Variants in MAN2B2 observed in about 807,000 individuals in gnomAD.
The protein encoded by MAN2B2 is mannosidase alpha class 2B member 2.
MAN2B2 carries 106 observed loss-of-function variants against 117.1 expected under a neutral mutation model. That is an observed-to-expected ratio of 0.90 (90% CI 0.77 to 1.06). MAN2B2 has a LOEUF of 1.06. MAN2B2 is among the 50% of genes least tolerant of loss of function. The pLI, the probability that MAN2B2 is intolerant of heterozygous loss-of-function variation, is 0.00. For synonymous variants in MAN2B2, 544 were observed against 595.1 expected (o/e 0.91, Z 1.25); for missense variants, 1,326 against 1,381.4 (o/e 0.96, Z 0.64).
At chr4:6,576,177 C>G (rs756875097) in intron 1 of MAN2B2, among the ~76,000 whole-genome samples, 2 of 152,178 alleles carry the variant, frequency 1.3e-5, no homozygotes, top group Non-Finnish European at 2.9e-5. Context: ...CCCCAGCAGG[C>G]CCCTTTGGGG....
chr4:6,581,663 C>T (rs974856082), intron 3 of MAN2B2, among the ~76,000 whole-genome samples: 34 of 151,554 alleles, frequency 2.2e-4, no homozygotes, highest in African/African-American at 7.8e-4. Context: ...GAGGCAGGCC[C>T]TGGACAGCAA....
At chr4:6,596,652 G>A (rs6851038) in intron 7 of MAN2B2, among the ~76,000 whole-genome samples, 3 of 152,174 alleles carry the variant, frequency 2.0e-5, no homozygotes, top group East Asian at 1.9e-4. Context: ...CTGCTGAAAC[G>A]CATGCCTGTC....
intron 10 of MAN2B2, among the ~76,000 whole-genome samples, chr4:6,601,950 G>A (rs1051362516): frequency 5.9e-5 from 9 of 152,320 alleles, no homozygotes; most frequent in Admixed American, 2.0e-4. Context: ...ACACACAGCC[G>A]TTGAGGGGAG....
chr4:6,623,319 C>A lies in MAN2B2; in HGVS notation c.*2034C>A, dbSNP rs1198058120. On this transcript the variant is annotated 3_prime_UTR_variant, in exon 19 of 19. Coordinates refer to ENST00000285599, the MANE Select transcript of MAN2B2 (RefSeq NM_015274.3). ...GAGACCTCCGCCTCTGCACTCCAGCCTGGGTGACAAGAGTGAGACTCCGTC... is the reference window on the plus strand; with the variant it reads ...GAGACCTCCGCCTCTGCACTCCAGCATGGGTGACAAGAGTGAGACTCCGTC... The A allele has an allele frequency of 6.8e-6, 1 of 148,130 alleles. No homozygotes were observed. Among genetic ancestry groups the A allele is most frequent in the Non-Finnish European group, 1.5e-5 (1 of 67,566 alleles). The allele number at this position is 148,130 out of a possible 1,614,324, so 9.2% of individuals were successfully genotyped here. A position where few individuals can be genotyped will look rare whatever the true frequency, so the allele number is the denominator to read the frequency against.
intron 16 of MAN2B2, among the ~76,000 whole-genome samples, chr4:6,615,934 G>A (rs551017049): frequency 6.6e-6 from 1 of 152,236 alleles, no homozygotes; most frequent in Non-Finnish European, 1.5e-5. Context: ...CTCCCGAGTA[G>A]CTGGGATTAC....
At chr4:6,589,288 C>T (rs3733605) in intron 5 of MAN2B2, 128 bp downstream of exon 5, 257,715 of 691,512 alleles carry the variant, frequency 0.37, 49,175 homozygotes, top group East Asian at 0.48. Flanking sequence ...TTGCCCAGGC[C>T]GGAGTGCAGT....
chr4:6,588,253 G>C (rs1726718656), intron 4 of MAN2B2, among the ~76,000 whole-genome samples: 1 of 152,168 alleles, frequency 6.6e-6, no homozygotes, highest in African/African-American at 2.4e-5. Context: ...TGAGGGAAGG[G>C]GCTGCTCCAG....
At chr4:6,590,175 C>T (rs2108740768) in intron 5 of MAN2B2, among the ~76,000 whole-genome samples, 1 of 152,058 alleles carries the variant, frequency 6.6e-6, no homozygotes, top group Non-Finnish European at 1.5e-5. Context: ...AATTTGAGAC[C>T]AGCCTGGCCA....
intron 3 of MAN2B2, among the ~76,000 whole-genome samples, chr4:6,579,395 T>TCACCAC (rs141552652): frequency 1.3e-4 from 5 of 39,154 alleles, no homozygotes; most frequent in Middle Eastern, 0.028. Context: ...CCCTTCACCA[T>TCACCAC]CACCACCACC....
intron 10 of MAN2B2, among the ~76,000 whole-genome samples, chr4:6,604,106 G>A (rs538963409): frequency 1.3e-5 from 2 of 152,320 alleles, no homozygotes; most frequent in South Asian, 4.1e-4. Flanking sequence ...GGCACAGCGT[G>A]GCACAGGCTC....
rs550526571 is a variant in MAN2B2 at position 6,616,729 on chromosome 4, G to A, written c.2702-651G>A. 5.3e-5 allele frequency among the ~76,000 whole-genome samples: 8 copies of A among 152,278 alleles called. No individual in the cohort carries two copies. In the South Asian group the frequency reaches 8.3e-4, roughly 16 times the overall value. On this transcript the variant is annotated intron_variant, in intron 16 of 18. Transcript: ENST00000285599. ...CCCCAATATGCCCACAACAGTGGAC[G>A]AGGATGGAAACATTGCAGCTGGTGT...
intron 11 of MAN2B2, among the ~76,000 whole-genome samples, chr4:6,606,809 G>A (rs1313018033): frequency 6.6e-6 from 1 of 152,214 alleles, no homozygotes; most frequent in Non-Finnish European, 1.5e-5. Context: ...CATAGGGGAG[G>A]TTGCTCCATA....
intron 16 of MAN2B2, 102 bp downstream of exon 16, chr4:6,614,457 G>A: frequency 1.5e-6 from 2 of 1,344,486 alleles, no homozygotes; most frequent in African/African-American, 1.5e-5. Flanking sequence ...GAGCTATCAT[G>A]GCTCTGCAAG....
chr4:6,602,939 G>A (rs1727387513), intron 10 of MAN2B2, among the ~76,000 whole-genome samples: 1 of 152,162 alleles, frequency 6.6e-6, no homozygotes, highest in African/African-American at 2.4e-5. Flanking sequence ...GCCTCCCAAA[G>A]AGCTGGAATT....
intron 11 of MAN2B2, among the ~76,000 whole-genome samples, chr4:6,608,128 G>A (rs1727621225): frequency 6.6e-6 from 1 of 152,138 alleles, no homozygotes. Flanking sequence ...CTAGCTACAA[G>A]TCCCTTGTCA....
chr4:6,610,019 A>T lies in MAN2B2; in HGVS notation c.2228A>T (p.Tyr743Phe). 1 of 1,614,146 alleles carries T rather than the reference A, an allele frequency of 6.2e-7. No homozygotes were observed. The highest frequency in any genetic ancestry group is 8.5e-7 in the Non-Finnish European group (1 of 1,180,020). Reference sequence around the variant, plus strand: ...GGCTACCAGATGCAGCGGAGGCCCTACGTTTCCTATGTGAACAACAGCATC... The same window carrying T: ...GGCTACCAGATGCAGCGGAGGCCCTTCGTTTCCTATGTGAACAACAGCATC... ...NNGYQMQRRPYVSYVNNSIAR... is the reference protein window; with the variant it reads ...NNGYQMQRRPFVSYVNNSIAR... The change falls in exon 13 of 19, where the codon TAC becomes TTC. Residue 743 changes from tyrosine to phenylalanine, a missense_variant. Coordinates refer to ENST00000285599, the MANE Select transcript of MAN2B2 (RefSeq NM_015274.3).
chr4:6,618,483 GGAGAGGT>G (rs1712002685), intron 17 of MAN2B2: 1 of 152,214 alleles, frequency 6.6e-6, no homozygotes, highest in Non-Finnish European at 1.5e-5. Context: ...TGTAAAATGG[GGAGAGGT>G]GAGAGTTCTT....
intron 16 of MAN2B2, among the ~76,000 whole-genome samples, chr4:6,615,741 A>G (rs906924568): frequency 6.6e-6 from 1 of 152,062 alleles, no homozygotes. Context: ...TCAAGGCTGC[A>G]GTGAGCTGTA....
At position 6,619,965 on chromosome 4, in the gene MAN2B2, G is replaced by C. The variant is rs769233766; in HGVS notation, c.2853G>C (p.Glu951Asp). Residue 951 changes from glutamate to aspartate, a missense_variant, in exon 18 of 19, where the codon GAG (glutamate) becomes GAC (aspartate). Glu to Asp is a conservative substitution (Grantham distance 45). Transcript: ENST00000285599. Reference sequence around the variant, plus strand: ...CGCTGGGGTCCGTGGTGGCAGTGGAGGAGCGCTCGCTCACAGGGACCTGGG... The same window carrying C: ...CGCTGGGGTCCGTGGTGGCAGTGGACGAGCGCTCGCTCACAGGGACCTGGG... ...LQALGSVVAV[E>D]ERSLTGTWDL... 1.9e-6 allele frequency: 3 copies of C among 1,614,000 alleles called. No individual in the cohort carries two copies. The East Asian group carries it at 6.7e-5, about 36-fold the overall frequency.
Sources: allele counts gnomAD v4.1 joint callset (sites outside exome capture counted in the v4.1 genomes callset), GRCh38; gene constraint gnomAD v4.1.1; transcripts MANE v1.5; gene names NCBI Gene and HGNC (gene_info 2026-07-23, HGNC 2026-07-21).